PCDH9: variants seen among roughly 807,000 people sequenced by gnomAD.
The protein encoded by PCDH9 is protocadherin 9.
Under a neutral mutation model 70.6 loss-of-function variants are expected in PCDH9, and 24 were observed. The observed-to-expected ratio is 0.34, with a 90% CI of 0.25 to 0.48. The LOEUF is 0.48. Among genes scored for constraint, PCDH9 ranks in the 20% least tolerant of loss-of-function variants. The probability of loss-of-function intolerance (pLI) is 0.99; values close to 1 mark genes in which losing one functional copy is unlikely to be tolerated. For synonymous variants in PCDH9, 562 were observed against 558.5 expected, an observed-to-expected ratio of 1.01 and a Z score of -0.09; for missense variants, 1,281 against 1,503.6, an observed-to-expected ratio of 0.85 and a Z score of 2.45.
chr13:66,403,291 ATGCCTG>A (rs1957221808), intron 4 of PCDH9, among the ~76,000 whole-genome samples: 1 of 150,798 alleles, frequency 6.6e-6, no homozygotes, highest in South Asian at 2.1e-4. Context: ...AGGCACCACC[ATGCCTG>A]GCTTTTTTTT....
At chr13:67,176,230 C>T (rs550144856) in intron 2 of PCDH9, among the ~76,000 whole-genome samples, 28 of 152,168 alleles carry the variant, frequency 1.8e-4, no homozygotes, top group Non-Finnish European at 2.4e-4. Context: ...TCAAAAAGAG[C>T]GGTGATGCAG....
chr13:66,631,311 A>G lies in PCDH9; in HGVS notation c.3239T>C (p.Ile1080Thr). ...DHEPVGSGTLISHPLPLVQPQ... is the reference protein window; with the variant it reads ...DHEPVGSGTLTSHPLPLVQPQ... ...CTGAACCAGAGGAAGAGGGTGTGAGATCAGGGTTCCACTACCCACCGGCTC... is the reference window on the plus strand; with the variant it reads ...CTGAACCAGAGGAAGAGGGTGTGAGGTCAGGGTTCCACTACCCACCGGCTC... The change falls in exon 4 of 5, where the codon ATC (isoleucine) becomes ACC (threonine). Residue 1080 changes from isoleucine to threonine, a missense_variant. Ile to Thr is a moderately conservative substitution (Grantham distance 89). Transcript: ENST00000377865. The G allele has an allele frequency of 6.2e-7, 1 of 1,606,884 alleles. No individual in the cohort carries two copies.
intron 3 of PCDH9, among the ~76,000 whole-genome samples, chr13:66,672,502 C>T (rs1172246681): frequency 1.3e-5 from 2 of 152,144 alleles, no homozygotes; most frequent in Non-Finnish European, 2.9e-5. Context: ...GTGGGAGCCC[C>T]CATACAGAGT....
intron 4 of PCDH9, among the ~76,000 whole-genome samples, chr13:66,320,944 C>A (rs1157332379): frequency 6.6e-6 from 1 of 151,960 alleles, no homozygotes; most frequent in Non-Finnish European, 1.5e-5. Flanking sequence ...GACCAAGTTT[C>A]TTTTCCTTTC....
intron 4 of PCDH9, among the ~76,000 whole-genome samples, chr13:66,522,140 G>A (rs1960023577): frequency 6.7e-6 from 1 of 150,098 alleles, no homozygotes; most frequent in Non-Finnish European, 1.5e-5. Flanking sequence ...AATTACCTAA[G>A]GAAATTTTTT....
intron 4 of PCDH9, among the ~76,000 whole-genome samples, chr13:66,359,265 T>C (rs1246435337): frequency 4.6e-5 from 7 of 152,068 alleles, no homozygotes; most frequent in Non-Finnish European, 1.0e-4. Context: ...ACTAAAGGCT[T>C]CTTAGTTTGA....
chr13:66,634,560 G>A (rs1337539797), intron 3 of PCDH9, among the ~76,000 whole-genome samples: 1 of 152,098 alleles, frequency 6.6e-6, no homozygotes, highest in African/African-American at 2.4e-5. Flanking sequence ...TCCTGGCCTT[G>A]AGAAATAGAA....
chr13:66,506,345 G>GA (rs143108615), intron 4 of PCDH9, among the ~76,000 whole-genome samples: 3,029 of 152,204 alleles, frequency 0.02, 100 homozygotes, highest in African/African-American at 0.068. Context: ...TTTCACAAGT[G>GA]AAAATGTAAA....
intron 4 of PCDH9, among the ~76,000 whole-genome samples, chr13:66,357,671 G>A (rs1050880671): frequency 1.3e-5 from 2 of 151,940 alleles, no homozygotes; most frequent in African/African-American, 4.8e-5. Context: ...TCTCTCAGAT[G>A]TCTATTCTTA....
intron 4 of PCDH9, among the ~76,000 whole-genome samples, chr13:66,623,788 C>T (rs2077464201): frequency 6.6e-6 from 1 of 152,140 alleles, no homozygotes; most frequent in African/African-American, 2.4e-5. Flanking sequence ...TTTCAGTTTA[C>T]TTATAATACT....
intron 3 of PCDH9, among the ~76,000 whole-genome samples, chr13:66,640,807 A>T (rs2077698928): frequency 6.6e-6 from 1 of 152,132 alleles, no homozygotes; most frequent in South Asian, 2.1e-4. Context: ...TTGCACCTAT[A>T]ATGTAGCATA....
chr13:66,420,275 A>G (rs1566311832), intron 4 of PCDH9, among the ~76,000 whole-genome samples: 1 of 152,202 alleles, frequency 6.6e-6, no homozygotes, highest in Non-Finnish European at 1.5e-5. Flanking sequence ...CCTGCCTGCC[A>G]GCTCTGAAGA....
chr13:66,644,208 A>T (rs1420179349), intron 3 of PCDH9, among the ~76,000 whole-genome samples: 1 of 151,974 alleles, frequency 6.6e-6, no homozygotes, highest in East Asian at 1.9e-4. Context: ...CATAATTAAA[A>T]GAAATATTTT....
intron 3 of PCDH9, among the ~76,000 whole-genome samples, chr13:66,656,123 GA>G (rs1208070047): frequency 6.9e-6 from 1 of 145,486 alleles, no homozygotes; most frequent in African/African-American, 2.5e-5. Flanking sequence ...ATTTTAAAAG[GA>G]AAAGCAAAAA....
At chr13:66,912,907 T>C (rs1388867528) in intron 2 of PCDH9, among the ~76,000 whole-genome samples, 1 of 152,080 alleles carries the variant, frequency 6.6e-6, no homozygotes, top group African/African-American at 2.4e-5. Flanking sequence ...GAATATAATT[T>C]CTAGTATTTT....
chr13:67,193,705 T>C (rs926873512), intron 2 of PCDH9, among the ~76,000 whole-genome samples: 3 of 152,124 alleles, frequency 2.0e-5, no homozygotes, highest in Non-Finnish European at 4.4e-5. Flanking sequence ...GGATCTTTAC[T>C]TACAAGTAAT....
At chr13:67,102,671 T>C (rs909518563) in intron 2 of PCDH9, among the ~76,000 whole-genome samples, 4 of 152,080 alleles carry the variant, frequency 2.6e-5, no homozygotes, top group African/African-American at 9.7e-5. Context: ...AATCTAAAAG[T>C]TTAAATAATC....
intron 2 of PCDH9, among the ~76,000 whole-genome samples, chr13:67,026,567 A>C (rs1004480847): frequency 6.6e-6 from 1 of 152,080 alleles, no homozygotes; most frequent in Non-Finnish European, 1.5e-5. Flanking sequence ...TGGCCAGGGC[A>C]ATTAGGCAGG....
chr13:67,118,083 T>G (rs2086811610), intron 2 of PCDH9, among the ~76,000 whole-genome samples: 1 of 152,180 alleles, frequency 6.6e-6, no homozygotes, highest in African/African-American at 2.4e-5. Context: ...TGAGTTCATG[T>G]GGGCAATGTT....
Sources: allele counts gnomAD v4.1 joint callset (sites outside exome capture counted in the v4.1 genomes callset), GRCh38; gene constraint gnomAD v4.1.1; transcripts MANE v1.5; gene names NCBI Gene and HGNC (gene_info 2026-07-23, HGNC 2026-07-21).